Variants in MAGI3 observed in about 807,000 individuals in gnomAD.
MAGI3 encodes the protein membrane-associated guanylate kinase, WW and PDZ domain-containing protein 3.
Under a neutral mutation model 121.8 loss-of-function variants are expected in MAGI3, and 43 were observed. That is an observed-to-expected ratio of 0.35 (90% CI 0.28 to 0.46). MAGI3 has a LOEUF of 0.46. Ranked by LOEUF, MAGI3 falls within the 20% of genes least tolerant of loss-of-function variation. The pLI is 1.00. For synonymous variants in MAGI3, 553 were observed against 639.3 expected (o/e 0.86, Z 2.04); for missense variants, 1,547 against 1,797.3 (o/e 0.86, Z 2.52).
At chr1:113,629,746 CT>C (rs1651482447) in intron 9 of MAGI3, among the ~76,000 whole-genome samples, 1 of 111,042 alleles carries the variant, frequency 9.0e-6, no homozygotes, top group Non-Finnish European at 1.8e-5. Context: ...CTCTCTCTCT[CT>C]CTCTCTCTCT....
At chr1:113,398,044 A>G (rs1211956558) in intron 1 of MAGI3, among the ~76,000 whole-genome samples, 4 of 152,090 alleles carry the variant, frequency 2.6e-5, no homozygotes, top group Admixed American at 1.3e-4. Context: ...AACCCTAGCA[A>G]TTTATCCTGA....
rs189450779 is a variant in MAGI3 at position 113,488,375 on chromosome 1, T to C, written c.317-61140T>C. 2.6e-4 allele frequency among the ~76,000 whole-genome samples: 40 copies of C among 152,332 alleles called. 1 individual carries two copies. In the East Asian group the frequency reaches 7.5e-3, roughly 29 times the overall value. On this transcript the variant is annotated intron_variant, in intron 1 of 20. Coordinates refer to ENST00000307546, the MANE Select transcript of MAGI3 (RefSeq NM_001142782.2). ...ACTGTCAGTCCTCAACTCTGCAGGA[T>C]GGTCTTGCCCATCAGATGAGGCAGG... is the stretch of plus-strand genomic sequence containing the variant.
intron 1 of MAGI3, among the ~76,000 whole-genome samples, chr1:113,445,670 C>T (rs1654143156): frequency 6.6e-6 from 1 of 152,108 alleles, no homozygotes; most frequent in Non-Finnish European, 1.5e-5. Context: ...TTATCACATA[C>T]CAGGGATCCT....
intron 7 of MAGI3, among the ~76,000 whole-genome samples, chr1:113,618,033 C>CT (rs1250818135): frequency 6.6e-6 from 1 of 152,028 alleles, no homozygotes; most frequent in East Asian, 1.9e-4. Flanking sequence ...GCTAACATTC[C>CT]TTTTTTTGAA....
chr1:113,495,539 G>C (rs1209293757), intron 1 of MAGI3, among the ~76,000 whole-genome samples: 2 of 151,962 alleles, frequency 1.3e-5, no homozygotes, highest in Admixed American at 1.3e-4. Context: ...AGTCCCCAAA[G>C]TCCATTGTAC....
intron 1 of MAGI3, among the ~76,000 whole-genome samples, chr1:113,543,694 A>C (rs369064742): frequency 4.1e-4 from 63 of 151,988 alleles, no homozygotes; most frequent in South Asian, 2.5e-3. Flanking sequence ...ATGACAAAAC[A>C]CTGTCTCTAC....
At chr1:113,495,639 G>C (rs1289796554) in intron 1 of MAGI3, among the ~76,000 whole-genome samples, 1 of 152,110 alleles carries the variant, frequency 6.6e-6, no homozygotes, top group Non-Finnish European at 1.5e-5. Flanking sequence ...GATATACATA[G>C]TAAGAACTAA....
chr1:113,641,596 C>A (rs537882168), intron 9 of MAGI3, among the ~76,000 whole-genome samples: 2 of 151,110 alleles, frequency 1.3e-5, no homozygotes, highest in Non-Finnish European at 2.9e-5. Flanking sequence ...TGCATGGATA[C>A]TTAGATATGA....
At chr1:113,652,705 C>T (rs1255696402) in intron 14 of MAGI3, among the ~76,000 whole-genome samples, 1 of 151,262 alleles carries the variant, frequency 6.6e-6, no homozygotes, top group Non-Finnish European at 1.5e-5. Context: ...TGTGAATTTT[C>T]AGCCAGAAAG....
chr1:113,673,541 A>G, intron 19 of MAGI3, 76 bp downstream of exon 19: 1 of 1,473,634 alleles, frequency 6.8e-7, no homozygotes, highest in Non-Finnish European at 9.2e-7. Context: ...TAATTGATTT[A>G]AAGGGAATGC....
chr1:113,672,594 C>T, intron 17 of MAGI3, 21 bp from the exon 18 acceptor site: 1 of 1,603,832 alleles, frequency 6.2e-7, no homozygotes, highest in African/African-American at 1.3e-5. Context: ...CAGAGAGTGA[C>T]TTGATTTCTC....
At chr1:113,468,617 A>G (rs1292954930) in intron 1 of MAGI3, among the ~76,000 whole-genome samples, 1 of 152,180 alleles carries the variant, frequency 6.6e-6, no homozygotes, top group African/African-American at 2.4e-5. Flanking sequence ...TAGCATCTGC[A>G]TTGAGATATG....
chr1:113,626,897 G>A (rs1651273895), intron 9 of MAGI3, among the ~76,000 whole-genome samples: 2 of 151,472 alleles, frequency 1.3e-5, no homozygotes. Context: ...CCAACTTTTT[G>A]TTTCTTTGAT....
At chr1:113,392,786 T>A (rs1195412708) in intron 1 of MAGI3, among the ~76,000 whole-genome samples, 2 of 152,326 alleles carry the variant, frequency 1.3e-5, no homozygotes, top group South Asian at 2.1e-4. Flanking sequence ...TAACTCTAAC[T>A]TTTACAGCCA....
At chr1:113,576,032 C>T (rs1161963189) in intron 2 of MAGI3, among the ~76,000 whole-genome samples, 3 of 152,150 alleles carry the variant, frequency 2.0e-5, no homozygotes, top group Non-Finnish European at 4.4e-5. Context: ...ATGGTGGATG[C>T]CCCTCCCCCC....
intron 1 of MAGI3, among the ~76,000 whole-genome samples, chr1:113,515,919 G>A (rs1436117709): frequency 6.6e-6 from 1 of 151,986 alleles, no homozygotes; most frequent in Non-Finnish European, 1.5e-5. Flanking sequence ...ATTGTGCCTG[G>A]CACTGTTAAC....
chr1:113,423,127 C>G (rs1652811246), intron 1 of MAGI3, among the ~76,000 whole-genome samples: 1 of 151,840 alleles, frequency 6.6e-6, no homozygotes, highest in Admixed American at 6.6e-5. Context: ...ATTATGTGGA[C>G]AACTAGAGGA....
chr1:113,653,898 C>G lies in MAGI3; in HGVS notation c.2509C>G (p.Arg837Gly). ...ACAGAATGGATCTCCCCGCCTGAACCGGGCAGAGGTCCCAGCCAGGCCTGC... is the reference window on the plus strand; with the variant it reads ...ACAGAATGGATCTCCCCGCCTGAACGGGGCAGAGGTCCCAGCCAGGCCTGC... ...STQNGSPRLN[R>G]AEVPARPAPQ... The change falls in exon 15 of 21, where the codon CGG becomes GGG. Residue 837 changes from arginine to glycine, a missense_variant. By Grantham distance (125) the Arg-to-Gly change is moderately radical. Coordinates refer to ENST00000307546, the MANE Select transcript of MAGI3 (RefSeq NM_001142782.2). The G allele has an allele frequency of 1.2e-6, 2 of 1,613,856 alleles. No individual in the cohort carries two copies. The highest frequency in any genetic ancestry group is 1.7e-6 in the Non-Finnish European group (2 of 1,179,916).
chr1:113,635,725 A>G (rs1431203362), intron 9 of MAGI3, among the ~76,000 whole-genome samples: 1 of 152,322 alleles, frequency 6.6e-6, no homozygotes, highest in Non-Finnish European at 1.5e-5. Context: ...TGGTGTCAGG[A>G]TGATGCTGGC....
Sources: gnomAD v4.1 joint callset for allele counts (sites outside exome capture counted in the v4.1 genomes callset) on GRCh38, gnomAD v4.1.1 for gene constraint, MANE v1.5 for transcripts, NCBI Gene and HGNC (gene_info 2026-07-23, HGNC 2026-07-21) for gene names.